Variants in PIGN observed in about 807,000 individuals in gnomAD.
The protein encoded by PIGN is phosphatidylinositol glycan anchor biosynthesis class N.
In PIGN, 117 loss-of-function variants were observed where a neutral mutation model predicts 125.4. The observed-to-expected ratio is 0.93, with a 90% CI of 0.80 to 1.09. PIGN has a LOEUF of 1.09. PIGN is among the 50% of genes least tolerant of loss of function. The pLI is 0.00. For synonymous variants in PIGN, 392 were observed against 377.8 expected, an observed-to-expected ratio of 1.04 and a Z score of -0.44; for missense variants, 1,075 against 1,094.9, an observed-to-expected ratio of 0.98 and a Z score of 0.26.
intron 4 of PIGN, among the ~76,000 whole-genome samples, chr18:62,158,187 T>C (rs1193117915): frequency 6.6e-6 from 1 of 152,200 alleles, no homozygotes; most frequent in African/African-American, 2.4e-5. Flanking sequence ...ATTTAAGAGA[T>C]ATAGGCTGAA....
At chr18:62,181,399 A>C (rs1177904150) in intron 1 of PIGN, among the ~76,000 whole-genome samples, 2 of 152,136 alleles carry the variant, frequency 1.3e-5, no homozygotes, top group Admixed American at 1.3e-4. Flanking sequence ...ATCTCAAACA[A>C]CTTAAACCTT....
chr18:62,124,169 C>A (rs1397749381), intron 14 of PIGN, among the ~76,000 whole-genome samples: 1 of 152,048 alleles, frequency 6.6e-6, no homozygotes, highest in East Asian at 1.9e-4. Context: ...CCATTAAGAT[C>A]AGATTTTGAG....
chr18:62,183,898 A>G (rs1307294960), intron 1 of PIGN, among the ~76,000 whole-genome samples: 1 of 152,160 alleles, frequency 6.6e-6, no homozygotes, highest in Non-Finnish European at 1.5e-5. Flanking sequence ...TAATGTAAAT[A>G]AAATTGCAGT....
chr18:62,156,872 A>G (rs1029449348), intron 6 of PIGN, among the ~76,000 whole-genome samples: 5 of 152,218 alleles, frequency 3.3e-5, no homozygotes, highest in African/African-American at 1.2e-4. Context: ...TCAAGATTAT[A>G]TAGCTGTTAA....
chr18:62,105,646 A>C lies in PIGN; in HGVS notation c.1768-12T>G, dbSNP rs1440804338. The stretch of plus-strand genomic sequence containing the variant: ...CTCAGTGAGGTCATCTAAAATCAAG[A>C]AAAAAGTTATCTTTAGACAAATATG... On this transcript the variant is annotated splice_polypyrimidine_tract_variant and intron_variant, in intron 19 of 30. Transcript: ENST00000640252. The C allele has an allele frequency of 2.0e-6, 3 of 1,491,734 alleles. No homozygotes were observed. Among genetic ancestry groups the C allele is most frequent in the East Asian group, 4.9e-5 (2 of 40,600 alleles). 92.4% of individuals were successfully genotyped at this position (1,491,734 alleles called of 1,614,324 possible).
In PIGN at chr18:62,167,699, C is replaced by CAT. The variant is rs201858574; in HGVS notation, c.-235-4045_-235-4044dup. Among the ~76,000 whole-genome samples the CAT allele has an allele frequency of 4.3e-3, 631 of 145,562 alleles. 12 individuals are homozygous for CAT. In the South Asian group the frequency reaches 0.051, roughly 12 times the overall value. On this transcript the variant is annotated intron_variant, in intron 1 of 30. Transcript: ENST00000640252. Reference sequence around the variant, plus strand: ...AACACACTCTCTCTCTCTCTCTCTACATATATATATATATACACACACACA... The same window carrying CAT: ...AACACACTCTCTCTCTCTCTCTCTACATATATATATATATATACACACACACA...
intron 30 of PIGN, chr18:62,051,971 T>C (rs2031337125): frequency 6.6e-6 from 1 of 152,230 alleles, no homozygotes; most frequent in South Asian, 2.1e-4. Flanking sequence ...CCAGTAGTCA[T>C]TCAGGAGCAG....
chr18:62,175,650 C>T (rs1485631989), intron 1 of PIGN, among the ~76,000 whole-genome samples: 1 of 152,092 alleles, frequency 6.6e-6, no homozygotes, highest in East Asian at 1.9e-4. Flanking sequence ...CCACACCCGG[C>T]CAAATGCATG....
intron 19 of PIGN, among the ~76,000 whole-genome samples, chr18:62,106,059 G>A (rs928417436): frequency 1.3e-5 from 2 of 152,108 alleles, no homozygotes; most frequent in Admixed American, 1.3e-4. Flanking sequence ...ACCATATATT[G>A]ATGAAGACAT....
chr18:62,037,915 TG>T (rs1211675650), downstream of PIGN, among the ~76,000 whole-genome samples: 1 of 152,196 alleles, frequency 6.6e-6, no homozygotes, highest in African/African-American at 2.4e-5. Flanking sequence ...GCTTGGCATA[TG>T]GCAGGCTCTC....
intron 20 of PIGN, 102 bp from the exon 21 acceptor site, chr18:62,103,004 C>A: frequency 3.9e-6 from 2 of 518,450 alleles, no homozygotes; most frequent in South Asian, 9.7e-5. Flanking sequence ...ACCTCTCAGT[C>A]ATTTGGCTTA....
Position 62,074,791 on chromosome 18 carries a change from G to A in PIGN, c.2607C>T (p.Asp869=). 1 of 1,605,014 alleles carries A rather than the reference G, an allele frequency of 6.2e-7. No homozygotes were observed. Residue 869 remains aspartate (D), a synonymous_variant, in exon 29 of 31, where the codon GAC becomes GAT. Coordinates refer to ENST00000640252, the MANE Select transcript of PIGN (RefSeq NM_176787.5). ...SLFLIVLVIS[D]IMALHFFFLV... ...AGTAATGCCTTACCAAAGCCATAAT[G>A]TCTGATATGACGAGAACAATGAGAA... is the stretch of plus-strand genomic sequence containing the variant.
chr18:62,140,539 A>G, intron 11 of PIGN, 60 bp from the exon 12 acceptor site: 1 of 791,522 alleles, frequency 1.3e-6, no homozygotes, highest in African/African-American at 1.7e-5. Context: ...AAATTAAATA[A>G]TGTAATGCAA....
At chr18:62,146,882 T>C in intron 9 of PIGN, 89 bp downstream of exon 9, 2 of 1,357,260 alleles carry the variant, frequency 1.5e-6, no homozygotes, top group South Asian at 2.6e-5. Context: ...CAGCAAGACA[T>C]CTAATCCTCT....
chr18:62,177,976 G>A (rs78081072), intron 1 of PIGN, among the ~76,000 whole-genome samples: 10,187 of 152,060 alleles, frequency 0.067, 412 homozygotes, highest in Middle Eastern at 0.15. Flanking sequence ...AGGTAGAAGC[G>A]TAGGCACCTC....
At chr18:62,072,504 T>C (rs903969763) in intron 30 of PIGN, 169 bp downstream of exon 30, 2 of 536,764 alleles carry the variant, frequency 3.7e-6, no homozygotes, top group East Asian at 3.0e-5. Flanking sequence ...TACAGGTTTA[T>C]AGTCTAGGAG....
At chr18:62,103,334 A>C (rs1248757938) in intron 20 of PIGN, among the ~76,000 whole-genome samples, 2 of 152,156 alleles carry the variant, frequency 1.3e-5, no homozygotes, top group Non-Finnish European at 2.9e-5. Context: ...ACTCATGCAA[A>C]AAGTATCTAC....
intron 21 of PIGN, among the ~76,000 whole-genome samples, chr18:62,102,031 C>T (rs2034459971): frequency 6.6e-6 from 1 of 151,752 alleles, no homozygotes; most frequent in Non-Finnish European, 1.5e-5. Context: ...AGTTCAAGAC[C>T]AGCCTGGCCA....
rs977369849 is a variant in PIGN at position 62,065,375 on chromosome 18, G to C, written c.2672+7298C>G. On this transcript the variant is annotated intron_variant, in intron 30 of 30. Coordinates refer to ENST00000640252, the MANE Select transcript of PIGN (RefSeq NM_176787.5). Reference sequence around the variant, plus strand: ...GAGTGCTCAACAGAATGGAACCCATGATGAACTAACAAGAGAATGGATTAT... The same window carrying C: ...GAGTGCTCAACAGAATGGAACCCATCATGAACTAACAAGAGAATGGATTAT... Among the ~76,000 whole-genome samples the C allele has an allele frequency of 3.9e-5, 6 of 152,206 alleles. No homozygotes were observed. The East Asian group carries it at 1.2e-3, about 29-fold the overall frequency.
Sources: allele counts gnomAD v4.1 joint callset (sites outside exome capture counted in the v4.1 genomes callset), GRCh38; gene constraint gnomAD v4.1.1; transcripts MANE v1.5; gene names NCBI Gene and HGNC (gene_info 2026-07-23, HGNC 2026-07-21).